The following SATB2 variants were observed in gnomAD, a reference collection of about 807,000 sequenced individuals.
SATB2 encodes the protein SATB homeobox 2, also known as DNA-binding protein SATB2.
SATB2 carries 1 observed loss-of-function variant against 73.4 expected under a neutral mutation model. The observed-to-expected ratio is 0.01, with a 90% CI of 0.00 to 0.06. The LOEUF (loss-of-function observed/expected upper bound fraction) is 0.06, where lower values mean the gene tolerates loss of function less well. Ranked by LOEUF, SATB2 falls within the 10% of genes least tolerant of loss-of-function variation. SATB2 has a pLI of 1.00. For synonymous variants in SATB2, 397 were observed against 367.0 expected (o/e 1.08, Z -0.93); for missense variants, 459 against 945.8 (o/e 0.49, Z 6.75).
At chr2:199,343,673 T>C (rs929222952) in intron 7 of SATB2, among the ~76,000 whole-genome samples, 1 of 152,240 alleles carries the variant, frequency 6.6e-6, no homozygotes, top group African/African-American at 2.4e-5. Context: ...CAACAGGTTA[T>C]GATCCCAGAG....
chr2:199,464,247 C>A lies in SATB2; in HGVS notation c.-141+589G>T, dbSNP rs1022650666. ...CTCAGTTCTCCCCCACCCCGTGGTG[C>A]CTTCCCTCCCCGCCCTACAGCCAAG... On this transcript the variant is annotated intron_variant, in intron 1 of 11. Transcript: ENST00000260926. The surrounding 1 kb of genome is among the most constrained non-coding windows in gnomAD (Gnocchi z 6.6). 6.6e-6 allele frequency among the ~76,000 whole-genome samples: 1 copy of A among 152,188 alleles called. No homozygotes were observed. Among genetic ancestry groups the A allele is most frequent in the Non-Finnish European group, 1.5e-5 (1 of 68,038 alleles).
At chr2:199,319,517 G>T (rs950681851) in intron 9 of SATB2, among the ~76,000 whole-genome samples, 1 of 152,104 alleles carries the variant, frequency 6.6e-6, no homozygotes, top group African/African-American at 2.4e-5. Context: ...ACAGAACAGG[G>T]TGTATCAGTT....
chr2:199,376,941 T>C (rs768873872), intron 5 of SATB2, among the ~76,000 whole-genome samples: 11 of 152,188 alleles, frequency 7.2e-5, no homozygotes, highest in Admixed American at 1.3e-4. Flanking sequence ...ACTGAAGGAC[T>C]CTAGAGTCAC....
intron 3 of SATB2, among the ~76,000 whole-genome samples, chr2:199,428,347 T>C (rs1447184425): frequency 6.6e-6 from 1 of 152,192 alleles, no homozygotes; most frequent in Non-Finnish European, 1.5e-5. Context: ...AGAAATGAAA[T>C]ATATAAACAT....
intron 2 of SATB2, among the ~76,000 whole-genome samples, chr2:199,443,695 GACAGGCA>G (rs1445589084): frequency 6.6e-6 from 1 of 152,104 alleles, no homozygotes; most frequent in Non-Finnish European, 1.5e-5. Context: ...AGCTTAAGCA[GACAGGCA>G]ACTACCACCA....
Position 199,272,038 on chromosome 2 carries a change from C to T in SATB2, c.*173G>A. 1 of 678,600 alleles carries T rather than the reference C, an allele frequency of 1.5e-6. No individual in the cohort carries two copies. The highest frequency in any genetic ancestry group is 2.6e-6 in the Non-Finnish European group (1 of 385,752). The allele number at this position is 678,600 out of a possible 1,614,324, so 42.0% of individuals were successfully genotyped here. ...ATTCAGTCTATAGGTGTATCCTGTG[C>T]AACAAAGAAATGTCCAAAAGGGTAA... On this transcript the variant is annotated 3_prime_UTR_variant, in exon 11 of 11. Transcript: ENST00000417098. This position sits in a 1 kb window ranked among gnomAD's most constrained non-coding sequence, Gnocchi z 6.7.
At chr2:199,275,302 C>T (rs1043726624) in intron 10 of SATB2, among the ~76,000 whole-genome samples, 3 of 152,096 alleles carry the variant, frequency 2.0e-5, no homozygotes, top group Non-Finnish European at 2.9e-5. Flanking sequence ...TGCTTCACTC[C>T]CCTTTGTTTC....
At chr2:199,443,011 GTTTCTGAGAATTTTTTTT>G (rs1167419163) in intron 2 of SATB2, among the ~76,000 whole-genome samples, 6 of 139,180 alleles carry the variant, frequency 4.3e-5, no homozygotes, top group African/African-American at 5.2e-5. Flanking sequence ...CATTCTGGAG[GTTTCTGAGAATTTTTTTT>G]TTTTTTTTTT....
rs1047169897 is a variant in SATB2 at position 199,379,169 on chromosome 2, T to A, written c.597+1195A>T. ...CATAGGAAAAATATTATCTCATCAG[T>A]AGAAAAAAATGAGTCCCAGCCCATG... is the stretch of plus-strand genomic sequence containing the variant. On this transcript the variant is annotated intron_variant, in intron 5 of 10. Transcript: ENST00000417098. 2.6e-5 allele frequency among the ~76,000 whole-genome samples: 4 copies of A among 152,076 alleles called. No individual in the cohort carries two copies. In the East Asian group the frequency reaches 7.7e-4, roughly 29 times the overall value.
intron 5 of SATB2, among the ~76,000 whole-genome samples, chr2:199,371,561 A>C (rs542846162): frequency 6.6e-6 from 1 of 152,270 alleles, no homozygotes; most frequent in African/African-American, 2.4e-5. Context: ...GTTGATGCAG[A>C]ATGGGATGAG....
chr2:199,455,780 C>T lies in SATB2; in HGVS notation c.169+89G>A, dbSNP rs200589847. 6.3e-6 allele frequency: 9 copies of T among 1,429,704 alleles called. No homozygotes were observed. Among genetic ancestry groups the T allele is most frequent in the Middle Eastern group, 2.4e-4 (1 of 4,186 alleles). The allele number at this position is 1,429,704 out of a possible 1,614,324, so 88.6% of individuals were successfully genotyped here. Reference sequence around the variant, plus strand: ...GAATTCACTTCCTGTAATCCTACACCGCGACAGCGCCTAATCAACCTGAAC... The same window carrying T: ...GAATTCACTTCCTGTAATCCTACACTGCGACAGCGCCTAATCAACCTGAAC... On this transcript the variant is annotated intron_variant, in intron 2 of 10. Coordinates refer to ENST00000417098, the MANE Select transcript of SATB2 (RefSeq NM_001172509.2). The surrounding 1 kb of genome is among the most constrained non-coding windows in gnomAD (Gnocchi z 4.1).
chr2:199,327,537 T>G (rs553875708), intron 8 of SATB2, among the ~76,000 whole-genome samples: 1 of 152,312 alleles, frequency 6.6e-6, no homozygotes, highest in South Asian at 2.1e-4. Context: ...GTGAACGGAC[T>G]GGCCTTATCA....
Position 199,271,821 on chromosome 2 carries a change from T to C in SATB2, c.*390A>G, listed in dbSNP as rs1425374958. 41 of 307,998 alleles carry C rather than the reference T, an allele frequency of 1.3e-4. No individual in the cohort carries two copies. The highest frequency in any genetic ancestry group is 2.1e-4 in the Non-Finnish European group (33 of 159,774). The allele number at this position is 307,998 out of a possible 1,614,324, so 19.1% of individuals were successfully genotyped here. ...ACATATACATATACACACACACTTG[T>C]AGCTTCCTTCATTTATTTCATAGTT... On this transcript the variant is annotated 3_prime_UTR_variant, in exon 11 of 11. Transcript: ENST00000417098.
intron 2 of SATB2, among the ~76,000 whole-genome samples, chr2:199,435,999 C>A (rs1691640999): frequency 6.6e-6 from 1 of 152,178 alleles, no homozygotes; most frequent in Non-Finnish European, 1.5e-5. Context: ...AGCTACTTCA[C>A]CACTAATACC....
chr2:199,365,009 TA>T (rs1304466394), intron 6 of SATB2, among the ~76,000 whole-genome samples: 2 of 152,020 alleles, frequency 1.3e-5, no homozygotes, highest in Non-Finnish European at 2.9e-5. Context: ...AAAAGTTGTG[TA>T]AAAAATTAAA....
At chr2:199,327,150 A>G (rs1322806743) in intron 8 of SATB2, among the ~76,000 whole-genome samples, 1 of 152,188 alleles carries the variant, frequency 6.6e-6, no homozygotes, top group East Asian at 1.9e-4. Context: ...ATAAATGTAT[A>G]TCCATTAGGT....
At chr2:199,385,239 A>G (rs1689894515) in intron 3 of SATB2, among the ~76,000 whole-genome samples, 1 of 152,160 alleles carries the variant, frequency 6.6e-6, no homozygotes, top group South Asian at 2.1e-4. Context: ...GGCTCAAGCT[A>G]GCCTCCCACA....
intron 6 of SATB2, among the ~76,000 whole-genome samples, chr2:199,350,697 G>C (rs1688789358): frequency 6.6e-6 from 1 of 152,022 alleles, no homozygotes; most frequent in Admixed American, 6.6e-5. Flanking sequence ...CTTATATTTA[G>C]ACATGTACAG....
intron 3 of SATB2, among the ~76,000 whole-genome samples, chr2:199,395,196 C>T (rs148301986): frequency 9.9e-5 from 15 of 152,124 alleles, no homozygotes; most frequent in Non-Finnish European, 2.1e-4. Flanking sequence ...TTTACCTCTA[C>T]TCATTTTTAA....
Sources: allele counts gnomAD v4.1 joint callset (sites outside exome capture counted in the v4.1 genomes callset), GRCh38; gene constraint gnomAD v4.1.1; non-coding constraint Gnocchi (gnomAD v3.1); transcripts MANE v1.5; gene names NCBI Gene and HGNC (gene_info 2026-07-23, HGNC 2026-07-21).